Variants in ANO2 observed in about 807,000 individuals in gnomAD.
ANO2 encodes the protein anoctamin 2.
A neutral mutation model predicts 124.2 loss-of-function variants in ANO2; 101 were observed. The ratio of observed to expected loss-of-function variants is 0.81; its 90% CI spans 0.69 to 0.96. ANO2 has a LOEUF of 0.96. Ranked by LOEUF, ANO2 falls within the 40% of genes least tolerant of loss-of-function variation. The pLI is 0.00. For missense variants in ANO2, 1,293 were observed against 1,274.5 expected, an observed-to-expected ratio of 1.01 and a Z score of -0.22; for synonymous variants, 486 against 482.5, an observed-to-expected ratio of 1.01 and a Z score of -0.09.
intron 10 of ANO2, among the ~76,000 whole-genome samples, chr12:5,797,840 C>T (rs1952912164): frequency 6.6e-6 from 1 of 152,164 alleles, no homozygotes; most frequent in East Asian, 1.9e-4. Flanking sequence ...GTACACCGTG[C>T]CCTGTCTAGA....
chr12:5,772,136 TATC>T (rs1382179358), intron 10 of ANO2, among the ~76,000 whole-genome samples: 4 of 152,118 alleles, frequency 2.6e-5, no homozygotes, highest in African/African-American at 9.7e-5. Context: ...TGGTGAAAAA[TATC>T]ATATTAATGC....
chr12:5,692,662 C>T (rs1269974972), intron 14 of ANO2, among the ~76,000 whole-genome samples: 1 of 152,140 alleles, frequency 6.6e-6, no homozygotes, highest in East Asian at 1.9e-4. Context: ...ACCTGCCATG[C>T]AGTTTTCCTG....
chr12:5,692,177 A>G (rs1948973182), intron 14 of ANO2, among the ~76,000 whole-genome samples: 1 of 152,198 alleles, frequency 6.6e-6, no homozygotes, highest in Non-Finnish European at 1.5e-5. Context: ...GATCTGGACT[A>G]GGTTCGCAGT....
chr12:5,628,735 A>C (rs943226266), intron 16 of ANO2, among the ~76,000 whole-genome samples: 1 of 152,166 alleles, frequency 6.6e-6, no homozygotes, highest in Non-Finnish European at 1.5e-5. Flanking sequence ...CATGTGTACA[A>C]GTGTGTGCAT....
At position 5,831,915 on chromosome 12, in the gene ANO2, A is replaced by G. The variant is rs182534480; in HGVS notation, c.785+537T>C. ...TTCCCAGCTGTGGCTCCCCCTTCCA[A>G]ACGTTTCCAAGTGGCTATCTCTGTG... On this transcript the variant is annotated intron_variant, in intron 5 of 24. Coordinates refer to ENST00000682330, the MANE Select transcript of ANO2 (RefSeq NM_001364791.2). Among the ~76,000 whole-genome samples the G allele has an allele frequency of 1.6e-4, 25 of 152,010 alleles. No individual in the cohort carries two copies. In the East Asian group the frequency reaches 3.7e-3, roughly 22 times the overall value.
chr12:5,838,150 A>G (rs1010908079), intron 4 of ANO2, among the ~76,000 whole-genome samples: 13 of 152,330 alleles, frequency 8.5e-5, no homozygotes, highest in South Asian at 4.1e-4. Flanking sequence ...CACCTTGGCA[A>G]TAGATCTGCT....
At chr12:5,647,050 T>C (rs1946674866) in intron 15 of ANO2, among the ~76,000 whole-genome samples, 1 of 152,202 alleles carries the variant, frequency 6.6e-6, no homozygotes, top group African/African-American at 2.4e-5. Flanking sequence ...ACCTCCAATC[T>C]TGAATACTGT....
chr12:5,630,493 C>A (rs1453486531), intron 16 of ANO2, among the ~76,000 whole-genome samples: 1 of 152,194 alleles, frequency 6.6e-6, no homozygotes, highest in Non-Finnish European at 1.5e-5. Flanking sequence ...GTCACTATCC[C>A]ATTGTGTCAG....
In ANO2 at chr12:5,771,926, T is replaced by C. The variant is rs1329652181; in HGVS notation, c.1056-20956A>G. The stretch of plus-strand genomic sequence containing the variant: ...AAAGAAATTATTTAAACATCATCTG[T>C]TCATTAATAAACAGCATGAGAGCTT... On this transcript the variant is annotated intron_variant, in intron 10 of 24. Transcript: ENST00000682330. 2.0e-5 allele frequency among the ~76,000 whole-genome samples: 3 copies of C among 152,206 alleles called. No individual in the cohort carries two copies. In the East Asian group the frequency reaches 5.8e-4, roughly 29 times the overall value.
intron 3 of ANO2, among the ~76,000 whole-genome samples, chr12:5,905,479 C>T (rs1940610929): frequency 6.6e-6 from 1 of 152,068 alleles, no homozygotes; most frequent in South Asian, 2.1e-4. Context: ...GAGGGAGGGG[C>T]CCAAGATTCA....
At chr12:5,593,954 C>G (rs527434175) in intron 20 of ANO2, among the ~76,000 whole-genome samples, 1 of 152,056 alleles carries the variant, frequency 6.6e-6, no homozygotes, top group African/African-American at 2.4e-5. Flanking sequence ...AAAAGTATGT[C>G]CTTAAAGGAT....
intron 3 of ANO2, among the ~76,000 whole-genome samples, chr12:5,881,263 G>T (rs1409333159): frequency 6.6e-6 from 1 of 152,150 alleles, no homozygotes; most frequent in East Asian, 1.9e-4. Context: ...CTAATCTAAA[G>T]AAACCCACAT....
chr12:5,933,505 G>T (rs1942520167), intron 1 of ANO2, among the ~76,000 whole-genome samples: 1 of 152,158 alleles, frequency 6.6e-6, no homozygotes. Flanking sequence ...TGGATGGGTG[G>T]GTGGGTGGAT....
At chr12:5,593,292 A>G (rs1943500699) in intron 20 of ANO2, among the ~76,000 whole-genome samples, 1 of 152,212 alleles carries the variant, frequency 6.6e-6, no homozygotes, top group Admixed American at 6.5e-5. Context: ...AAGGGAGATA[A>G]TTGAATTCCT....
chr12:5,699,503 G>A (rs1260866974), intron 14 of ANO2, among the ~76,000 whole-genome samples: 2 of 152,000 alleles, frequency 1.3e-5, no homozygotes, highest in African/African-American at 4.8e-5. Flanking sequence ...AAACTGTAAA[G>A]ACCATCGAGA....
At chr12:5,725,358 A>G (rs1189913257) in intron 14 of ANO2, among the ~76,000 whole-genome samples, 2 of 151,846 alleles carry the variant, frequency 1.3e-5, no homozygotes, top group Admixed American at 6.6e-5. Flanking sequence ...AGCCTCTCCA[A>G]CCTCCAACCA....
intron 13 of ANO2, among the ~76,000 whole-genome samples, chr12:5,738,688 C>G (rs964129611): frequency 2.6e-5 from 4 of 152,156 alleles, no homozygotes; most frequent in Admixed American, 2.6e-4. Context: ...CACTGCCCAT[C>G]ATCGGCTCAC....
chr12:5,655,691 G>A (rs1947120261), intron 14 of ANO2, among the ~76,000 whole-genome samples: 1 of 152,180 alleles, frequency 6.6e-6, no homozygotes, highest in Non-Finnish European at 1.5e-5. Flanking sequence ...CGTGAGGTGT[G>A]ATTATTATTC....
intron 1 of ANO2, among the ~76,000 whole-genome samples, chr12:5,924,406 G>A (rs1386360270): frequency 6.6e-6 from 1 of 152,224 alleles, no homozygotes; most frequent in Non-Finnish European, 1.5e-5. Context: ...GAAAGACTAA[G>A]TCAAAGTCGG....
Sources: allele counts gnomAD v4.1 joint callset (sites outside exome capture counted in the v4.1 genomes callset), GRCh38; gene constraint gnomAD v4.1.1; transcripts MANE v1.5; gene names NCBI Gene and HGNC (gene_info 2026-07-23, HGNC 2026-07-21).